KIAA1328: variants seen among roughly 807,000 people sequenced by gnomAD.
KIAA1328 encodes KIAA1328.
Under a neutral mutation model 68.1 loss-of-function variants are expected in KIAA1328, and 52 were observed. The ratio of observed to expected loss-of-function variants is 0.76; its 90% CI spans 0.61 to 0.96. The LOEUF (loss-of-function observed/expected upper bound fraction) is 0.96. KIAA1328 is among the 40% of genes least tolerant of loss of function. The pLI is 0.00. For missense variants in KIAA1328, 641 were observed against 677.6 expected (o/e 0.95, Z 0.60); for synonymous variants, 232 against 239.4 (o/e 0.97, Z 0.28).
intron 7 of KIAA1328, among the ~76,000 whole-genome samples, chr18:37,126,837 G>C (rs2058402478): frequency 6.6e-6 from 1 of 151,972 alleles, no homozygotes; most frequent in Admixed American, 6.6e-5. Context: ...GGCTAGAAGA[G>C]AAAAACCACC....
At position 37,118,182 on chromosome 18, in the gene KIAA1328, A is replaced by T. The variant is rs111823924; in HGVS notation, c.1233-42018A>T. Among the ~76,000 whole-genome samples, 539 of 151,918 alleles carry T rather than the reference A, an allele frequency of 3.5e-3. 4 individuals carry two copies. The highest frequency in any genetic ancestry group is 0.012 in the African/African-American group (508 of 41,440). ...TCCAATTTTTGTGTTTTTTGTAGAG[A>T]TGACGTTTTGCTATGTTGCCTAGGA... On this transcript the variant is annotated intron_variant, in intron 7 of 9. Coordinates refer to ENST00000280020, the MANE Select transcript of KIAA1328 (RefSeq NM_020776.3).
At chr18:36,987,544 A>G (rs1219480518) in intron 6 of KIAA1328, among the ~76,000 whole-genome samples, 2 of 151,878 alleles carry the variant, frequency 1.3e-5, no homozygotes, top group East Asian at 3.8e-4. Context: ...TTAGCAGACT[A>G]TATACTGTAT....
At chr18:37,020,286 C>G (rs898115715) in intron 6 of KIAA1328, among the ~76,000 whole-genome samples, 2 of 152,100 alleles carry the variant, frequency 1.3e-5, no homozygotes, top group Admixed American at 1.3e-4. Context: ...CCACGCCTGG[C>G]TAATTTTTGT....
intron 5 of KIAA1328, among the ~76,000 whole-genome samples, chr18:36,943,476 A>G (rs1436359624): frequency 1.1e-4 from 17 of 152,214 alleles, no homozygotes; most frequent in Non-Finnish European, 1.5e-5. Flanking sequence ...TTCATCACTG[A>G]TAATGTTAAG....
intron 6 of KIAA1328, among the ~76,000 whole-genome samples, chr18:36,970,966 G>C (rs1427789214): frequency 6.6e-6 from 1 of 152,052 alleles, no homozygotes. Flanking sequence ...ATTTCATATG[G>C]AACCAAAAAA....
At chr18:37,046,244 A>C (rs1409042940) in intron 6 of KIAA1328, among the ~76,000 whole-genome samples, 1 of 152,200 alleles carries the variant, frequency 6.6e-6, no homozygotes, top group Admixed American at 6.5e-5. Flanking sequence ...TATTTCAGTT[A>C]ACAGTCTGGC....
chr18:36,952,037 C>T (rs1287553789), intron 5 of KIAA1328, among the ~76,000 whole-genome samples: 3 of 152,172 alleles, frequency 2.0e-5, no homozygotes, highest in Non-Finnish European at 4.4e-5. Context: ...GATCTAGCCC[C>T]TGTTGATCTC....
intron 9 of KIAA1328, among the ~76,000 whole-genome samples, chr18:37,212,598 T>C (rs914444469): frequency 6.6e-6 from 1 of 152,182 alleles, no homozygotes; most frequent in Non-Finnish European, 1.5e-5. Flanking sequence ...AAACTACAGA[T>C]AGCAAAAAAT....
chr18:36,974,606 ATACAAG>A (rs1429550530), intron 6 of KIAA1328, among the ~76,000 whole-genome samples: 1 of 152,216 alleles, frequency 6.6e-6, no homozygotes, highest in African/African-American at 2.4e-5. Flanking sequence ...TGCAATAAAC[ATACAAG>A]TACATGTATC....
chr18:37,069,550 G>A (rs999847451), intron 7 of KIAA1328, among the ~76,000 whole-genome samples: 9 of 152,044 alleles, frequency 5.9e-5, no homozygotes, highest in Admixed American at 3.9e-4. Context: ...GGAGATGTTC[G>A]CTCTGCTTCT....
chr18:36,865,558 A>T (rs2047721221), intron 4 of KIAA1328, among the ~76,000 whole-genome samples: 1 of 152,130 alleles, frequency 6.6e-6, no homozygotes, highest in African/African-American at 2.4e-5. Context: ...GTTAGCTTTA[A>T]TATATTCCCC....
chr18:37,166,280 A>G (rs2059387641), intron 8 of KIAA1328, among the ~76,000 whole-genome samples: 1 of 152,158 alleles, frequency 6.6e-6, no homozygotes, highest in South Asian at 2.1e-4. Context: ...AAGGCTACTG[A>G]AGCATTGTAG....
At chr18:37,096,774 G>T (rs1189203302) in intron 7 of KIAA1328, among the ~76,000 whole-genome samples, 10 of 152,108 alleles carry the variant, frequency 6.6e-5, no homozygotes, top group East Asian at 3.9e-4. Context: ...TTCTAACTGG[G>T]GTGAGGTGGT....
At chr18:36,953,573 C>G (rs184890592) in intron 5 of KIAA1328, among the ~76,000 whole-genome samples, 1 of 151,818 alleles carries the variant, frequency 6.6e-6, no homozygotes, top group African/African-American at 2.4e-5. Flanking sequence ...ACGGGAAATG[C>G]CACTTGTCTC....
At position 37,077,102 on chromosome 18, in the gene KIAA1328, C is replaced by T. The variant is rs1479153207; in HGVS notation, c.1232+9557C>T. Among the ~76,000 whole-genome samples, 11 of 151,066 alleles carry T rather than the reference C, an allele frequency of 7.3e-5. No individual in the cohort carries two copies. In the East Asian group the frequency reaches 1.6e-3, roughly 21 times the overall value. On this transcript the variant is annotated intron_variant, in intron 7 of 9. Transcript: ENST00000280020. ...AATCCTCAATAAAATACTGGCAAAC[C>T]GAATCCAGCAGCACATCAAAAAGCT...
intron 5 of KIAA1328, among the ~76,000 whole-genome samples, chr18:36,900,340 G>T (rs1318015632): frequency 6.6e-6 from 1 of 151,938 alleles, no homozygotes; most frequent in Non-Finnish European, 1.5e-5. Context: ...CAAGGCCCAT[G>T]ATGGTAATGC....
intron 7 of KIAA1328, among the ~76,000 whole-genome samples, chr18:37,150,259 T>G (rs1014400416): frequency 4.6e-5 from 7 of 152,150 alleles, no homozygotes; most frequent in African/African-American, 1.4e-4. Flanking sequence ...CTATTGATGT[T>G]TCAATGAGAT....
At chr18:36,892,321 T>C (rs2151004023) in intron 5 of KIAA1328, among the ~76,000 whole-genome samples, 2 of 152,252 alleles carry the variant, frequency 1.3e-5, no homozygotes, top group Middle Eastern at 6.8e-3. Flanking sequence ...GTCTTTGAAA[T>C]AGTTTTGGGA....
chr18:37,043,255 C>A (rs2055330882), intron 6 of KIAA1328, among the ~76,000 whole-genome samples: 1 of 152,090 alleles, frequency 6.6e-6, no homozygotes, highest in African/African-American at 2.4e-5. Flanking sequence ...AGAAACAGTT[C>A]CACTTTCTAT....
Sources: gnomAD v4.1 joint callset for allele counts (sites outside exome capture counted in the v4.1 genomes callset) on GRCh38, gnomAD v4.1.1 for gene constraint, MANE v1.5 for transcripts, NCBI Gene and HGNC (gene_info 2026-07-23, HGNC 2026-07-21) for gene names.